The following CACNB4 variants were observed in gnomAD, a reference collection of about 807,000 sequenced individuals.
The protein encoded by CACNB4 is voltage-dependent L-type calcium channel subunit beta-4.
In CACNB4, 32 loss-of-function variants were observed where a neutral mutation model predicts 71.2. The observed-to-expected ratio is 0.45, with a 90% CI of 0.34 to 0.60. CACNB4 has a LOEUF of 0.60. Ranked by LOEUF, CACNB4 falls within the 20% of genes least tolerant of loss-of-function variation. The probability of loss-of-function intolerance (pLI) is 0.01; values close to 1 mark genes in which losing one functional copy is unlikely to be tolerated. For synonymous variants in CACNB4, 231 were observed against 236.9 expected, an observed-to-expected ratio of 0.97 and a Z score of 0.23; for missense variants, 464 against 647.9, an observed-to-expected ratio of 0.72 and a Z score of 3.08.
chr2:152,076,317 G>GTT (rs5835407), intron 2 of CACNB4, among the ~76,000 whole-genome samples: 24 of 122,488 alleles, frequency 2.0e-4, no homozygotes, highest in Admixed American at 4.2e-4. Flanking sequence ...AATTTTTTGG[G>GTT]TTTTTTTTTT....
At chr2:151,900,693 C>T (rs1004292173) in intron 2 of CACNB4, among the ~76,000 whole-genome samples, 5 of 152,120 alleles carry the variant, frequency 3.3e-5, no homozygotes, top group African/African-American at 1.2e-4. Flanking sequence ...GAAAAGGATG[C>T]ACTGGGAAGA....
chr2:151,957,257 C>CGTGTTTGTGTGTGT (rs3068823), intron 2 of CACNB4, among the ~76,000 whole-genome samples: 2 of 131,870 alleles, frequency 1.5e-5, no homozygotes, highest in Non-Finnish European at 3.2e-5. Flanking sequence ...AGTGGCTGGG[C>CGTGTTTGTGTGTGT]GTGTGTGTGT....
At chr2:152,021,892 G>A (rs1162836520) in intron 2 of CACNB4, among the ~76,000 whole-genome samples, 3 of 152,016 alleles carry the variant, frequency 2.0e-5, no homozygotes, top group South Asian at 2.1e-4. Context: ...GGCTTTTTAC[G>A]TTTTATCTTC....
intron 2 of CACNB4, among the ~76,000 whole-genome samples, chr2:151,907,932 C>T (rs1189495695): frequency 6.6e-6 from 1 of 152,150 alleles, no homozygotes; most frequent in African/African-American, 2.4e-5. Context: ...GCAAAGATAA[C>T]AACCAGGAAT....
chr2:152,006,550 G>A (rs1682741205), intron 2 of CACNB4, among the ~76,000 whole-genome samples: 2 of 151,924 alleles, frequency 1.3e-5, no homozygotes, highest in African/African-American at 4.8e-5. Flanking sequence ...ACAGGTGTGA[G>A]CCACCACATC....
intron 9 of CACNB4, chr2:151,861,879 A>T (rs1428253421): frequency 6.6e-6 from 1 of 151,706 alleles, no homozygotes; most frequent in African/African-American, 2.4e-5. Flanking sequence ...AAGCAAAGAC[A>T]TTGCAAATAA....
intron 2 of CACNB4, among the ~76,000 whole-genome samples, chr2:151,904,206 C>T (rs2099854181): frequency 6.6e-6 from 1 of 152,224 alleles, no homozygotes; most frequent in South Asian, 2.1e-4. Flanking sequence ...CTTCTAGTTA[C>T]ATGTGCAGCT....
chr2:152,030,456 T>C (rs974748285), intron 2 of CACNB4, among the ~76,000 whole-genome samples: 3 of 151,826 alleles, frequency 2.0e-5, no homozygotes, highest in African/African-American at 7.3e-5. Flanking sequence ...AAGAATTTTA[T>C]GTATTTATTT....
chr2:151,877,585 C>A (rs991966092), intron 4 of CACNB4, among the ~76,000 whole-genome samples: 1 of 152,140 alleles, frequency 6.6e-6, no homozygotes, highest in African/African-American at 2.4e-5. Context: ...GTTAAAAATT[C>A]CACGATACTA....
intron 2 of CACNB4, among the ~76,000 whole-genome samples, chr2:151,958,192 T>C (rs1255970444): frequency 5.9e-5 from 9 of 152,166 alleles, no homozygotes; most frequent in Non-Finnish European, 1.3e-4. Context: ...AATGTTACAA[T>C]CTACTTCTAA....
chr2:152,014,166 G>A (rs1683213793), intron 2 of CACNB4, among the ~76,000 whole-genome samples: 1 of 152,122 alleles, frequency 6.6e-6, no homozygotes, highest in South Asian at 2.1e-4. Flanking sequence ...GGCCAACATG[G>A]TGAAACCCCA....
At chr2:152,000,558 T>C (rs1444807557) in intron 2 of CACNB4, among the ~76,000 whole-genome samples, 1 of 152,222 alleles carries the variant, frequency 6.6e-6, no homozygotes, top group Non-Finnish European at 1.5e-5. Flanking sequence ...TCCCGGATCC[T>C]GCAAACCCAA....
chr2:151,863,468 G>A (rs1021586365), intron 9 of CACNB4, among the ~76,000 whole-genome samples: 5 of 152,284 alleles, frequency 3.3e-5, no homozygotes, highest in Non-Finnish European at 4.4e-5. Context: ...AATATATGAC[G>A]AGAGACAAGT....
intron 2 of CACNB4, among the ~76,000 whole-genome samples, chr2:151,927,016 C>T (rs144829019): frequency 6.6e-6 from 1 of 152,144 alleles, no homozygotes; most frequent in Non-Finnish European, 1.5e-5. Context: ...CTTTTTTAGC[C>T]TTATGTTTCA....
At chr2:151,895,448 C>T (rs59318980) in intron 2 of CACNB4, among the ~76,000 whole-genome samples, 15,150 of 151,020 alleles carry the variant, frequency 0.1, 1,561 homozygotes, top group East Asian at 0.55. Flanking sequence ...GTCAGAAGAT[C>T]GCATTGTACA....
chr2:151,857,826 A>G (rs1446545051), intron 10 of CACNB4: 9 of 152,228 alleles, frequency 5.9e-5, no homozygotes, highest in African/African-American at 1.9e-4. Context: ...TGCACCAGCA[A>G]TGAGGTTAAG....
chr2:152,086,547 C>T (rs1020226304), intron 2 of CACNB4, among the ~76,000 whole-genome samples: 2 of 152,172 alleles, frequency 1.3e-5, no homozygotes, highest in East Asian at 1.9e-4. Context: ...TCAAGCACTC[C>T]GCTTTCTCCT....
intron 2 of CACNB4, among the ~76,000 whole-genome samples, chr2:152,004,117 G>A (rs1032613208): frequency 6.6e-6 from 1 of 152,170 alleles, no homozygotes; most frequent in African/African-American, 2.4e-5. Flanking sequence ...ACCGTGCCTG[G>A]TTGATTTGCT....
chr2:151,846,783 G>A (rs916387972), intron 12 of CACNB4, among the ~76,000 whole-genome samples: 3 of 152,054 alleles, frequency 2.0e-5, no homozygotes, highest in Admixed American at 2.0e-4. Flanking sequence ...TTGAACTCAT[G>A]GGCTCAAGTG....
Sources: gnomAD v4.1 joint callset for allele counts (sites outside exome capture counted in the v4.1 genomes callset) on GRCh38, gnomAD v4.1.1 for gene constraint, MANE v1.5 for transcripts, NCBI Gene and HGNC (gene_info 2026-07-23, HGNC 2026-07-21) for gene names.